Variants in PRDM2 observed in about 807,000 individuals in gnomAD.
The protein encoded by PRDM2 is PR domain zinc finger protein 2.
In PRDM2, 30 loss-of-function variants were observed where a neutral mutation model predicts 130.0. That is an observed-to-expected ratio of 0.23 (90% CI 0.17 to 0.31). The LOEUF (loss-of-function observed/expected upper bound fraction) is 0.31. PRDM2 is among the 10% of genes least tolerant of loss of function. The pLI is 1.00. For synonymous variants in PRDM2, 871 were observed against 782.4 expected, an observed-to-expected ratio of 1.11 and a Z score of -1.89; for missense variants, 2,011 against 2,108.4, an observed-to-expected ratio of 0.95 and a Z score of 0.90.
chr1:13,770,188 AAG>A, intron 6 of PRDM2: 2 of 339,870 alleles, frequency 5.9e-6, no homozygotes, highest in South Asian at 4.7e-5. Flanking sequence ...ATGGCTTTTA[AAG>A]AGGACACCTG....
At chr1:13,755,923 G>T (rs1461900815) in intron 6 of PRDM2, among the ~76,000 whole-genome samples, 2 of 151,914 alleles carry the variant, frequency 1.3e-5, no homozygotes, top group Non-Finnish European at 2.9e-5. Context: ...CTTGTACAGG[G>T]TGTAGCTTTG....
chr1:13,742,194 T>C, intron 5 of PRDM2, 37 bp downstream of exon 5: 1 of 1,588,798 alleles, frequency 6.3e-7, no homozygotes, highest in Non-Finnish European at 8.6e-7. Context: ...TTAGTTACGC[T>C]GCTTGTGTTT....
intron 8 of PRDM2, chr1:13,786,638 T>C (rs183464477): frequency 1.7e-5 from 27 of 1,563,322 alleles, no homozygotes; most frequent in East Asian, 2.3e-5. Context: ...GCAAGACCAG[T>C]TGAAGCTGAC....
chr1:13,807,936 C>A (rs1038149583), intron 8 of PRDM2, among the ~76,000 whole-genome samples: 1 of 152,182 alleles, frequency 6.6e-6, no homozygotes, highest in Non-Finnish European at 1.5e-5. Context: ...CAATCCTTCC[C>A]CGTCCATACA....
At chr1:13,707,805 A>G (rs1642253275) in intron 1 of PRDM2, among the ~76,000 whole-genome samples, 1 of 151,898 alleles carries the variant, frequency 6.6e-6, no homozygotes, top group South Asian at 2.1e-4. Flanking sequence ...TTCATGCAGG[A>G]AAATTGACAA....
chr1:13,740,141 A>C (rs1175213249), intron 4 of PRDM2, among the ~76,000 whole-genome samples: 1 of 152,248 alleles, frequency 6.6e-6, no homozygotes, highest in African/African-American at 2.4e-5. Context: ...AATTGTACTC[A>C]ACTGTAACAC....
chr1:13,732,066 G>A (rs938966523), intron 3 of PRDM2, among the ~76,000 whole-genome samples: 11 of 151,502 alleles, frequency 7.3e-5, no homozygotes, highest in South Asian at 2.1e-4. Context: ...TGAGGGAACC[G>A]ATCTAAAGTG....
At chr1:13,717,627 C>T (rs1452794509) in intron 2 of PRDM2, among the ~76,000 whole-genome samples, 1 of 151,614 alleles carries the variant, frequency 6.6e-6, no homozygotes, top group African/African-American at 2.4e-5. Context: ...TTATATCAAA[C>T]TTGTGTTTAA....
At chr1:13,741,760 GT>G in intron 4 of PRDM2, among the ~76,000 whole-genome samples, 2 of 149,438 alleles carry the variant, frequency 1.3e-5, no homozygotes, top group African/African-American at 2.4e-5. Context: ...GTGTGTGTGT[GT>G]GTGTAGGGGT....
Position 13,779,874 on chromosome 1 carries a change from A to T in PRDM2, c.2079A>T (p.Gln693His). The change falls in exon 8 of 10, where the codon CAA becomes CAT. Residue 693 changes from glutamine (Q) to histidine (H), a missense_variant. Gln to His is a conservative substitution (Grantham distance 24). This residue lies in a region of PRDM2 where 1,288 missense variants were observed against 1,237.7 expected (regional missense o/e 1.04). Coordinates refer to ENST00000311066, the MANE Select transcript of PRDM2 (RefSeq NM_001393986.1). The surrounding 1 kb of genome is among the most constrained non-coding windows in gnomAD (Gnocchi z 4.9). ...KSVYLSSKLKQLLQTQDKLTP... is the reference protein window; with the variant it reads ...KSVYLSSKLKHLLQTQDKLTP... ...TTTATTTGTCATCAAAGCTCAAACA[A>T]CTTCTTCAAACCCAAGATAAACTAA... is the stretch of plus-strand genomic sequence containing the variant. 6.2e-7 allele frequency: 1 copy of T among 1,608,296 alleles called. No homozygotes were observed. Among genetic ancestry groups the T allele is most frequent in the East Asian group, 2.2e-5 (1 of 44,518 alleles).
At chr1:13,739,754 T>C (rs963826156) in intron 4 of PRDM2, among the ~76,000 whole-genome samples, 56 of 152,302 alleles carry the variant, frequency 3.7e-4, no homozygotes, top group Non-Finnish European at 4.3e-4. Flanking sequence ...TTAGTCTGTG[T>C]ATATTTTAAA....
Position 13,778,715 on chromosome 1 carries a change from A to G in PRDM2, c.920A>G (p.Glu307Gly). The G allele has an allele frequency of 6.2e-7, 1 of 1,614,250 alleles. No individual in the cohort carries two copies. The highest frequency in any genetic ancestry group is 8.5e-7 in the Non-Finnish European group (1 of 1,180,054). The change falls in exon 8 of 10, where the codon GAG (glutamate) becomes GGG (glycine). Residue 307 changes from glutamate to glycine, a missense_variant. Glu to Gly is a moderately conservative substitution (Grantham distance 98). Around this residue, in one of 5 missense-constraint regions of PRDM2, gnomAD observed 1,288 missense variants for 1,237.7 expected, o/e 1.04. Coordinates refer to ENST00000311066, the MANE Select transcript of PRDM2 (RefSeq NM_001393986.1). ...ATGCCAAATGAAAATTCTGTGAAAGAGCCAGAAATACGGTGTGATGAGAAG... is the reference window on the plus strand; with the variant it reads ...ATGCCAAATGAAAATTCTGTGAAAGGGCCAGAAATACGGTGTGATGAGAAG... The part of the protein sequence containing the change: ...ASMPNENSVK[E>G]PEIRCDEKPE...
chr1:13,777,721 T>C lies in PRDM2; in HGVS notation c.623-697T>C, dbSNP rs563325037. Among the ~76,000 whole-genome samples, 5 of 135,052 alleles carry C rather than the reference T, an allele frequency of 3.7e-5. 2 individuals are homozygous for C. The highest frequency in any genetic ancestry group is 1.4e-4 in the African/African-American group (5 of 35,904). The allele number at this position is 135,052 out of a possible 152,430, so 88.6% of individuals were successfully genotyped here. ...CTAAGCAAGTCCTTCCCTGACTGCC[T>C]TCTACCACCCACCTCAGGTGGGCTA... On this transcript the variant is annotated intron_variant, in intron 7 of 9. Coordinates refer to ENST00000311066, the MANE Select transcript of PRDM2 (RefSeq NM_001393986.1).
intron 9 of PRDM2, among the ~76,000 whole-genome samples, chr1:13,822,400 C>CT (rs55797543): frequency 0.047 from 6,632 of 142,406 alleles, 543 homozygotes; most frequent in African/African-American, 0.16. Flanking sequence ...CTTTTTCTTT[C>CT]TTTTTTTTTT....
At chr1:13,744,991 T>C (rs1643560153) in intron 5 of PRDM2, among the ~76,000 whole-genome samples, 1 of 152,216 alleles carries the variant, frequency 6.6e-6, no homozygotes, top group Non-Finnish European at 1.5e-5. Context: ...GTAATATGAT[T>C]AGAAATGATT....
At chr1:13,810,001 T>C (rs1384671018) in intron 8 of PRDM2, among the ~76,000 whole-genome samples, 2 of 152,060 alleles carry the variant, frequency 1.3e-5, no homozygotes, top group Non-Finnish European at 2.9e-5. Flanking sequence ...CGCATCTTCT[T>C]ACAAGGCACA....
At chr1:13,724,835 A>G (rs977135222) in intron 2 of PRDM2, among the ~76,000 whole-genome samples, 4 of 152,086 alleles carry the variant, frequency 2.6e-5, no homozygotes, top group African/African-American at 9.7e-5. Flanking sequence ...AAGGGAGAAA[A>G]AGGAAGGAGG....
Position 13,823,572 on chromosome 1 carries a change from C to T in PRDM2, c.*437C>T, listed in dbSNP as rs571867273. ...ACCCAGGGGTCAGCCTTAGGAAGGC[C>T]TTCAGGAGGAGGCCGAGTTCCCCTT... On this transcript the variant is annotated 3_prime_UTR_variant, in exon 10 of 10. Coordinates refer to ENST00000311066, the MANE Select transcript of PRDM2 (RefSeq NM_001393986.1). The T allele has an allele frequency of 3.7e-4, 68 of 185,374 alleles. 2 individuals are homozygous for T. In the South Asian group the frequency reaches 9.2e-3, roughly 25 times the overall value. 11.5% of individuals were successfully genotyped at this position (185,374 alleles called of 1,614,324 possible).
At chr1:13,740,764 A>T (rs148241955) in intron 4 of PRDM2, among the ~76,000 whole-genome samples, 135 of 152,326 alleles carry the variant, frequency 8.9e-4, no homozygotes, top group African/African-American at 3.1e-3. Flanking sequence ...CTGATGTTTG[A>T]CTTTCAAGAG....
Sources: allele counts gnomAD v4.1 joint callset (sites outside exome capture counted in the v4.1 genomes callset), GRCh38; gene constraint gnomAD v4.1.1; regional missense constraint gnomAD v4.1.1; non-coding constraint Gnocchi (gnomAD v3.1); transcripts MANE v1.5; gene names NCBI Gene and HGNC (gene_info 2026-07-23, HGNC 2026-07-21).